The following DEPTOR variants were observed in gnomAD, a reference collection of about 807,000 sequenced individuals.
DEPTOR encodes DEP domain-containing mTOR-interacting protein.
Under a neutral mutation model 41.6 loss-of-function variants are expected in DEPTOR, and 41 were observed. The ratio of observed to expected loss-of-function variants is 0.98; its 90% CI spans 0.77 to 1.28. The LOEUF (loss-of-function observed/expected upper bound fraction) is 1.28. Ranked by LOEUF, DEPTOR falls within the 50% of genes most tolerant of loss-of-function variation. The probability of loss-of-function intolerance (pLI) is 0.00; values close to 1 mark genes in which losing one functional copy is unlikely to be tolerated. For synonymous variants in DEPTOR, 195 were observed against 192.3 expected (o/e 1.01, Z -0.12); for missense variants, 514 against 527.9 (o/e 0.97, Z 0.26).
chr8:119,888,531 A>G (rs970319326), intron 1 of DEPTOR, among the ~76,000 whole-genome samples: 1 of 152,136 alleles, frequency 6.6e-6, no homozygotes, highest in African/African-American at 2.4e-5. Context: ...ATAAACAGTC[A>G]ACAATCAACA....
intron 4 of DEPTOR, among the ~76,000 whole-genome samples, chr8:119,974,496 G>A (rs569053762): frequency 6.6e-6 from 1 of 152,096 alleles, no homozygotes; most frequent in African/African-American, 2.4e-5. Flanking sequence ...TTCAGGCCAG[G>A]CGTGGTGGCT....
At chr8:120,048,354 C>T (rs573334455) in intron 8 of DEPTOR, among the ~76,000 whole-genome samples, 1 of 152,294 alleles carries the variant, frequency 6.6e-6, no homozygotes, top group South Asian at 2.1e-4. Context: ...TGCTAAATTG[C>T]AAATTACTGC....
At chr8:119,936,702 G>T (rs942493561) in intron 3 of DEPTOR, among the ~76,000 whole-genome samples, 1 of 152,178 alleles carries the variant, frequency 6.6e-6, no homozygotes, top group East Asian at 1.9e-4. Flanking sequence ...TGACCAGCCT[G>T]GGCAGCATAG....
At chr8:119,922,473 G>A (rs1827910150) in intron 1 of DEPTOR, among the ~76,000 whole-genome samples, 1 of 152,168 alleles carries the variant, frequency 6.6e-6, no homozygotes, top group Non-Finnish European at 1.5e-5. Context: ...CTCTGAGCAT[G>A]TTAAACAAAT....
At chr8:119,875,279 G>A (rs983150341) in intron 1 of DEPTOR, among the ~76,000 whole-genome samples, 2 of 152,134 alleles carry the variant, frequency 1.3e-5, no homozygotes, top group Non-Finnish European at 1.5e-5. Flanking sequence ...GTCTAAAAAC[G>A]GAGTCAGCAA....
intron 5 of DEPTOR, 75 bp downstream of exon 5, chr8:120,001,785 TG>T: frequency 4.0e-6 from 6 of 1,487,794 alleles, no homozygotes; most frequent in Non-Finnish European, 5.4e-6. Flanking sequence ...CTCACCTTTG[TG>T]AAATTCTGTT....
chr8:120,010,611 CTG>C (rs1812518136), intron 8 of DEPTOR, among the ~76,000 whole-genome samples: 1 of 74,622 alleles, frequency 1.3e-5, no homozygotes, highest in African/African-American at 5.7e-5. Context: ...GTGCAAGACT[CTG>C]TCTCAAAAAA....
intron 1 of DEPTOR, among the ~76,000 whole-genome samples, chr8:119,927,075 G>C (rs1827972633): frequency 6.6e-6 from 1 of 152,130 alleles, no homozygotes. Flanking sequence ...AGCAGATTAG[G>C]GGAACTGCTT....
chr8:120,005,941 G>C, intron 6 of DEPTOR, among the ~76,000 whole-genome samples: 1 of 152,066 alleles, frequency 6.6e-6, no homozygotes, highest in Non-Finnish European at 1.5e-5. Flanking sequence ...AGTAAATGTG[G>C]CACAGTAGCT....
chr8:119,988,013 C>T (rs761223007), intron 4 of DEPTOR, among the ~76,000 whole-genome samples: 29 of 152,124 alleles, frequency 1.9e-4, no homozygotes, highest in Non-Finnish European at 3.7e-4. Flanking sequence ...AGCCCCCTTT[C>T]CAGGGGAGTG....
At chr8:120,024,287 A>C (rs1198674915) in intron 8 of DEPTOR, among the ~76,000 whole-genome samples, 2 of 152,140 alleles carry the variant, frequency 1.3e-5, no homozygotes, top group Non-Finnish European at 2.9e-5. Flanking sequence ...AGTGGCACAC[A>C]TGACTTCTTT....
intron 6 of DEPTOR, among the ~76,000 whole-genome samples, chr8:120,004,938 G>A (rs1228953230): frequency 6.8e-6 from 1 of 147,116 alleles, no homozygotes; most frequent in Non-Finnish European, 1.5e-5. Context: ...GTATATAAAT[G>A]CCCTAAGCCA....
chr8:120,043,996 C>T (rs1353928050), intron 8 of DEPTOR, among the ~76,000 whole-genome samples: 2 of 150,018 alleles, frequency 1.3e-5, no homozygotes, highest in African/African-American at 2.5e-5. Context: ...TGAGGGACAG[C>T]GCGAGACTCT....
At chr8:119,983,258 AT>A (rs544419315) in intron 4 of DEPTOR, among the ~76,000 whole-genome samples, 11 of 145,292 alleles carry the variant, frequency 7.6e-5, no homozygotes, top group Admixed American at 2.1e-4. Flanking sequence ...TTTTCTTTTT[AT>A]TTTTTTTTTG....
Position 119,965,292 on chromosome 8 carries a change from G to A in DEPTOR, c.486G>A (p.Glu162=). The change falls in exon 4 of 9, where the codon GAG becomes GAA. Residue 162 remains glutamate (E), a synonymous_variant. Transcript: ENST00000286234. ...GGGAGGAGGAAGGGGTCAAGTATGA[G>A]CGCACCTTCATGGCATCTGAATTCC... ...QPREEEGVKY[E]RTFMASEFLD... 6.2e-7 allele frequency: 1 copy of A among 1,614,114 alleles called. No homozygotes were observed. Among genetic ancestry groups the A allele is most frequent in the Non-Finnish European group, 8.5e-7 (1 of 1,180,030 alleles).
intron 8 of DEPTOR, among the ~76,000 whole-genome samples, chr8:120,040,362 G>T (rs1813048399): frequency 6.6e-6 from 1 of 151,910 alleles, no homozygotes; most frequent in African/African-American, 2.4e-5. Context: ...AGATCTCGAG[G>T]TCGGGAGATC....
chr8:119,907,509 G>T (rs1470007257), intron 1 of DEPTOR, among the ~76,000 whole-genome samples: 5 of 152,168 alleles, frequency 3.3e-5, no homozygotes, highest in Non-Finnish European at 7.3e-5. Flanking sequence ...CCTGCCCTTA[G>T]GGAGATGACT....
At chr8:119,888,858 C>CA (rs34471575) in intron 1 of DEPTOR, among the ~76,000 whole-genome samples, 19,347 of 63,782 alleles carry the variant, frequency 0.3, 3,600 homozygotes, top group African/African-American at 0.36. Context: ...TCTGTCTCAG[C>CA]AAAAAAAAAA....
intron 8 of DEPTOR, among the ~76,000 whole-genome samples, chr8:120,041,274 A>G (rs1813065191): frequency 6.6e-6 from 1 of 152,190 alleles, no homozygotes; most frequent in African/African-American, 2.4e-5. Context: ...AATCATTGTG[A>G]TGGGACGCCA....
Sources: gnomAD v4.1 joint callset for allele counts (sites outside exome capture counted in the v4.1 genomes callset) on GRCh38, gnomAD v4.1.1 for gene constraint, MANE v1.5 for transcripts, NCBI Gene and HGNC (gene_info 2026-07-23, HGNC 2026-07-21) for gene names.